Variants in PCDH15 observed in about 807,000 individuals in gnomAD.
PCDH15 encodes protocadherin related 15.
A neutral mutation model predicts 178.5 loss-of-function variants in PCDH15; 129 were observed. That is an observed-to-expected ratio of 0.72 (90% CI 0.63 to 0.84). The LOEUF (loss-of-function observed/expected upper bound fraction) is 0.84. PCDH15 is among the 40% of genes least tolerant of loss of function. The probability of loss-of-function intolerance (pLI) is 0.00; values close to 1 mark genes in which losing one functional copy is unlikely to be tolerated. For missense variants in PCDH15, 2,230 were observed against 2,099.9 expected (o/e 1.06, Z -1.21); for synonymous variants, 800 against 732.0 (o/e 1.09, Z -1.50).
At chr10:54,279,891 G>C (rs1236182184) in intron 8 of PCDH15, among the ~76,000 whole-genome samples, 3 of 151,618 alleles carry the variant, frequency 2.0e-5, no homozygotes, top group East Asian at 3.9e-4. Flanking sequence ...AATAAATGTA[G>C]GACATTAAGC....
intron 2 of PCDH15, among the ~76,000 whole-genome samples, chr10:55,610,132 G>A (rs1260527400): frequency 2.6e-5 from 4 of 152,032 alleles, no homozygotes; most frequent in African/African-American, 9.7e-5. Context: ...TTTCATGGCT[G>A]AGTACATCAA....
chr10:54,346,385 G>A lies in PCDH15; in HGVS notation c.574C>T (p.Gln192Ter), dbSNP rs1943286459. ...CATACCGGATCATCTGGATTATACT[G>A]AATAACATACTCTATCTGTCCATTT... ...GPNGQIEYVI[Q>*]YNPDDPTSND... Residue 192 changes from glutamine (Q) to a stop codon, truncating the protein, a stop_gained, in exon 6 of 38, where the codon CAG (glutamine) becomes TAG (stop). Coordinates refer to ENST00000644397, the MANE Select transcript of PCDH15 (RefSeq NM_001384140.1). LOFTEE classifies it high-confidence loss of function. 2 of 1,613,152 alleles carry A rather than the reference G, an allele frequency of 1.2e-6. No homozygotes were observed. Among genetic ancestry groups the A allele is most frequent in the Non-Finnish European group, 1.7e-6 (2 of 1,179,332 alleles).
At chr10:54,874,696 T>C (rs912296818) in intron 3 of PCDH15, among the ~76,000 whole-genome samples, 1 of 152,120 alleles carries the variant, frequency 6.6e-6, no homozygotes, top group South Asian at 2.1e-4. Flanking sequence ...ATAGAAGATA[T>C]AGAATGCCAA....
chr10:54,779,166 A>G (rs1200143416), intron 1 of PCDH15, among the ~76,000 whole-genome samples: 3 of 151,812 alleles, frequency 2.0e-5, no homozygotes, highest in African/African-American at 7.3e-5. Context: ...AAATATATTC[A>G]TGAGTCAAAA....
At chr10:54,327,904 C>T (rs1938520123) in intron 7 of PCDH15, among the ~76,000 whole-genome samples, 1 of 151,992 alleles carries the variant, frequency 6.6e-6, no homozygotes, top group African/African-American at 2.4e-5. Context: ...CACACGTGCA[C>T]ATCCTCCCCA....
intron 1 of PCDH15, among the ~76,000 whole-genome samples, chr10:55,219,098 T>G (rs191000783): frequency 6.6e-6 from 1 of 152,108 alleles, no homozygotes; most frequent in Non-Finnish European, 1.5e-5. Flanking sequence ...AATATTGATG[T>G]GAGGGGCCTT....
At chr10:55,296,729 T>A (rs1338247943) in intron 1 of PCDH15, among the ~76,000 whole-genome samples, 1 of 152,140 alleles carries the variant, frequency 6.6e-6, no homozygotes, top group Non-Finnish European at 1.5e-5. Context: ...TTATTTTTTT[T>A]AAACTTAGAC....
At chr10:54,019,514 A>G (rs1363390380) in intron 20 of PCDH15, among the ~76,000 whole-genome samples, 1 of 152,104 alleles carries the variant, frequency 6.6e-6, no homozygotes. Context: ...GGATCACGGT[A>G]TGTACTACTA....
At chr10:54,995,983 C>A (rs1839633906) in intron 2 of PCDH15, among the ~76,000 whole-genome samples, 1 of 152,134 alleles carries the variant, frequency 6.6e-6, no homozygotes, top group Admixed American at 6.5e-5. Flanking sequence ...AGCTGCAATA[C>A]CTCATTAAAT....
At chr10:55,426,890 T>C (rs1310281524) in intron 2 of PCDH15, among the ~76,000 whole-genome samples, 2 of 152,116 alleles carry the variant, frequency 1.3e-5, no homozygotes, top group African/African-American at 4.8e-5. Context: ...GCCACTTCTC[T>C]CCAATGTCAT....
At chr10:54,742,530 G>A (rs1257225139) in intron 1 of PCDH15, among the ~76,000 whole-genome samples, 1 of 151,846 alleles carries the variant, frequency 6.6e-6, no homozygotes, top group Non-Finnish European at 1.5e-5. Flanking sequence ...TGAAGACCTT[G>A]CCATGTTAAG....
chr10:55,329,476 A>G (rs924122120), intron 2 of PCDH15, among the ~76,000 whole-genome samples: 8 of 151,820 alleles, frequency 5.3e-5, no homozygotes, highest in Non-Finnish European at 5.9e-5. Context: ...GCAAAAAAAA[A>G]TTCAGAACCA....
chr10:55,462,516 T>G (rs2132094230), intron 2 of PCDH15, among the ~76,000 whole-genome samples: 1 of 152,286 alleles, frequency 6.6e-6, no homozygotes, highest in South Asian at 2.1e-4. Flanking sequence ...ATTGTTGCTT[T>G]AAAGCATTCA....
intron 2 of PCDH15, among the ~76,000 whole-genome samples, chr10:54,647,667 G>C (rs1334884342): frequency 6.6e-6 from 1 of 151,964 alleles, no homozygotes; most frequent in Non-Finnish European, 1.5e-5. Context: ...CTGAAAAACA[G>C]GAATAATAAT....
intron 2 of PCDH15, among the ~76,000 whole-genome samples, chr10:55,460,461 C>T (rs1391893993): frequency 6.6e-6 from 1 of 151,904 alleles, no homozygotes; most frequent in African/African-American, 2.4e-5. Context: ...GATAAGTCTA[C>T]AATTAATTAA....
chr10:54,389,117 C>T (rs1950235866), intron 3 of PCDH15, among the ~76,000 whole-genome samples: 1 of 149,848 alleles, frequency 6.7e-6, no homozygotes, highest in South Asian at 2.1e-4. Flanking sequence ...GTTACAGCGT[C>T]CCTCACTGAC....
At chr10:54,826,531 A>G (rs1361836028) in intron 3 of PCDH15, among the ~76,000 whole-genome samples, 3 of 150,918 alleles carry the variant, frequency 2.0e-5, no homozygotes, top group South Asian at 4.2e-4. Flanking sequence ...ATATATATGT[A>G]TGTGTGTGTG....
intron 21 of PCDH15, among the ~76,000 whole-genome samples, chr10:53,971,632 T>A (rs2089694951): frequency 6.6e-6 from 1 of 152,080 alleles, no homozygotes; most frequent in African/African-American, 2.4e-5. Flanking sequence ...CAAGCATTCC[T>A]ATACACCGAT....
intron 23 of PCDH15, among the ~76,000 whole-genome samples, chr10:53,957,319 G>A (rs1441964393): frequency 6.6e-6 from 1 of 152,022 alleles, no homozygotes; most frequent in Non-Finnish European, 1.5e-5. Context: ...AGATAATTTA[G>A]TGAGAAACAA....
Sources: gnomAD v4.1 joint callset for allele counts (sites outside exome capture counted in the v4.1 genomes callset) on GRCh38, gnomAD v4.1.1 for gene constraint, MANE v1.5 for transcripts, NCBI Gene and HGNC (gene_info 2026-07-23, HGNC 2026-07-21) for gene names.